APOBEC3C: variants seen among roughly 807,000 people sequenced by gnomAD.
APOBEC3C encodes the protein apolipoprotein B mRNA editing enzyme catalytic subunit 3C.
APOBEC3C carries 14 observed loss-of-function variants against 20.6 expected under a neutral mutation model. The observed-to-expected ratio is 0.68, with a 90% CI of 0.45 to 1.06. APOBEC3C has a LOEUF of 1.06. Among genes scored for constraint, APOBEC3C ranks in the 50% least tolerant of loss-of-function variants. The probability of loss-of-function intolerance (pLI) is 0.00; values close to 1 mark genes in which losing one functional copy is unlikely to be tolerated. For missense variants in APOBEC3C, 244 were observed against 241.9 expected, an observed-to-expected ratio of 1.01 and a Z score of -0.06; for synonymous variants, 98 against 88.8, an observed-to-expected ratio of 1.10 and a Z score of -0.58.
rs1224824395 is a variant in APOBEC3C, at chr22:39,018,656, C to T, written c.*269C>T. On this transcript the variant is annotated 3_prime_UTR_variant, in exon 4 of 4. Transcript: ENST00000361441. ...CCTGCGTGCCCCTAACCTGGCTTTT[C>T]CCATCTCCCCAGCATAACCAAATCT... 3.1e-6 allele frequency: 1 copy of T among 317,696 alleles called. No homozygotes were observed. Among genetic ancestry groups the T allele is most frequent in the Non-Finnish European group, 5.9e-6 (1 of 169,906 alleles). The allele number at this position is 317,696 out of a possible 1,614,324, so 19.7% of individuals were successfully genotyped here. A position where few individuals can be genotyped will look rare whatever the true frequency, so the allele number is the denominator to read the frequency against.
chr22:39,018,597 T>C lies in APOBEC3C; in HGVS notation c.*210T>C, dbSNP rs970863030. 9.7e-6 allele frequency: 5 copies of C among 517,564 alleles called. No homozygotes were observed. Among genetic ancestry groups the C allele is most frequent in the African/African-American group, 7.7e-5 (4 of 51,622 alleles). 32.1% of individuals were successfully genotyped at this position (517,564 alleles called of 1,614,324 possible). Reference sequence around the variant, plus strand: ...AGAGGCTCCTTTCTGCCTCCATGGCTATCCATCCACCCCCACAGACCCCGT... The same window carrying C: ...AGAGGCTCCTTTCTGCCTCCATGGCCATCCATCCACCCCCACAGACCCCGT... On this transcript the variant is annotated 3_prime_UTR_variant, in exon 4 of 4. Transcript: ENST00000361441.
Position 39,017,990 on chromosome 22 carries a change from G to A in APOBEC3C, c.399G>A (p.Glu133=). The A allele has an allele frequency of 6.2e-7, 1 of 1,614,236 alleles. No homozygotes were observed. The highest frequency in any genetic ancestry group is 8.5e-7 in the Non-Finnish European group (1 of 1,180,044). Residue 133 remains glutamate (E), a synonymous_variant, in exon 3 of 4, where the codon GAG becomes GAA. Transcript: ENST00000361441. ...ACTTCCAGTATCCATGTTACCAGGAGGGGCTCCGCAGCCTGAGTCAGGAAG... is the reference window on the plus strand; with the variant it reads ...ACTTCCAGTATCCATGTTACCAGGAAGGGCTCCGCAGCCTGAGTCAGGAAG... ...LYYFQYPCYQ[E]GLRSLSQEGV... is the part of the protein sequence containing the mutation.
At chr22:39,018,165 C>G in intron 3 of APOBEC3C, 104 bp from the exon 4 acceptor site, 1 of 1,567,806 alleles carries the variant, frequency 6.4e-7, no homozygotes. Context: ...CGGGCCAGCG[C>G]CCACTGCAAC....
intron 1 of APOBEC3C, 96 bp downstream of exon 1, chr22:39,014,475 C>T (rs1208275891): frequency 3.4e-6 from 5 of 1,483,738 alleles, no homozygotes; most frequent in South Asian, 1.1e-5. Flanking sequence ...GCCCCAGCCC[C>T]ACCTCTGGGC....
chr22:39,018,094 G>A (rs558518013), intron 3 of APOBEC3C, 49 bp downstream of exon 3: 20 of 1,600,718 alleles, frequency 1.2e-5, no homozygotes, highest in Non-Finnish European at 1.5e-5. Flanking sequence ...GACAGCATGA[G>A]GGGCAGATGG....
intron 2 of APOBEC3C, 123 bp downstream of exon 2, chr22:39,015,874 A>AT (rs57093395): frequency 0.072 from 38,754 of 541,960 alleles, 725 homozygotes; most frequent in African/African-American, 0.17. Flanking sequence ...CCACATTTCT[A>AT]TTTTTTTTTT....
chr22:39,018,718 G>A lies in APOBEC3C; in HGVS notation c.*331G>A, dbSNP rs1024945441. Reference sequence around the variant, plus strand: ...TCCTAGGCTGGGCATGGTGACTCACGCCTGTAATCCCCCAGCAATTTGGGA... The same window carrying A: ...TCCTAGGCTGGGCATGGTGACTCACACCTGTAATCCCCCAGCAATTTGGGA... On this transcript the variant is annotated 3_prime_UTR_variant, in exon 4 of 4. Transcript: ENST00000361441. The A allele has an allele frequency of 4.6e-5, 8 of 173,162 alleles. No individual in the cohort carries two copies. The highest frequency in any genetic ancestry group is 1.6e-4 in the East Asian group (1 of 6,308). The allele number at this position is 173,162 out of a possible 1,614,324, so 10.7% of individuals were successfully genotyped here. A position where few individuals can be genotyped will look rare whatever the true frequency, so the allele number is the denominator to read the frequency against.
Position 39,014,382 on chromosome 22 carries a change from A to AT in APOBEC3C, c.17+3_17+4insT. On this transcript the variant is annotated splice_donor_region_variant and intron_variant, in intron 1 of 3. Transcript: ENST00000361441. ...CTGAACATGAATCCACAGATCAGGT[A>AT]CCTCTGCACGCTTTGTCCGCCAGGC... 4 of 1,614,000 alleles carry AT rather than the reference A, an allele frequency of 2.5e-6. No homozygotes were observed. The highest frequency in any genetic ancestry group is 2.5e-6 in the Non-Finnish European group (3 of 1,180,000).
chr22:39,014,673 C>G (rs1025120331), intron 1 of APOBEC3C, among the ~76,000 whole-genome samples: 2 of 152,234 alleles, frequency 1.3e-5, no homozygotes, highest in Non-Finnish European at 2.9e-5. Context: ...GGTGCTTCCT[C>G]TGTGTGCTTC....
intron 2 of APOBEC3C, among the ~76,000 whole-genome samples, chr22:39,016,115 T>G (rs1480204988): frequency 6.6e-6 from 1 of 151,958 alleles, no homozygotes; most frequent in East Asian, 1.9e-4. Context: ...TGACCTCAAG[T>G]GATCCACCAG....
intron 2 of APOBEC3C, 123 bp downstream of exon 2, chr22:39,015,874 ATTTT>A (rs57093395): frequency 3.7e-3 from 2,033 of 542,288 alleles, no homozygotes; most frequent in East Asian, 5.4e-3. Flanking sequence ...CCACATTTCT[ATTTT>A]TTTTTTTTTT....
intron 2 of APOBEC3C, among the ~76,000 whole-genome samples, chr22:39,017,231 T>C (rs114996082): frequency 0.054 from 8,206 of 151,444 alleles, 750 homozygotes; most frequent in African/African-American, 0.19. Context: ...GACTCCATCT[T>C]TGAAAAAAAT....
At chr22:39,014,520 C>T in intron 1 of APOBEC3C, 141 bp downstream of exon 1, 2 of 1,033,440 alleles carry the variant, frequency 1.9e-6, no homozygotes, top group Non-Finnish European at 1.4e-6. Flanking sequence ...GCCCCCACTC[C>T]CAGCCAAGCT....
At chr22:39,017,713 C>T in intron 2 of APOBEC3C, 53 bp from the exon 3 acceptor site, 1 of 1,584,542 alleles carries the variant, frequency 6.3e-7, no homozygotes, top group South Asian at 1.2e-5. Flanking sequence ...CACCCCTGCA[C>T]TCCTCCTGCT....
At chr22:39,015,816 A>G (rs1924760574) in intron 2 of APOBEC3C, 65 bp downstream of exon 2, 2 of 1,532,376 alleles carry the variant, frequency 1.3e-6, no homozygotes, top group Admixed American at 1.9e-5. Context: ...AGAAAACGCA[A>G]CAATAAGTGA....
Position 39,018,458 on chromosome 22 carries a change from C to G in APOBEC3C, c.*71C>G. 3 of 1,538,558 alleles carry G rather than the reference C, an allele frequency of 1.9e-6. No homozygotes were observed. Among genetic ancestry groups the G allele is most frequent in the Admixed American group, 1.9e-5 (1 of 53,792 alleles). ...CATGCTGCACGGGCCTCCCCTCCAC[C>G]CTGGACCCGCTCTGTTTCTGCCTGG... On this transcript the variant is annotated 3_prime_UTR_variant, in exon 4 of 4. Transcript: ENST00000361441.
At chr22:39,017,724 C>A in intron 2 of APOBEC3C, 42 bp from the exon 3 acceptor site, 1 of 1,594,286 alleles carries the variant, frequency 6.3e-7, no homozygotes, top group South Asian at 1.1e-5. Flanking sequence ...TCCTCCTGCT[C>A]CTGGTCTGAG....
chr22:39,015,899 G>A (rs1439910288), intron 2 of APOBEC3C, 148 bp downstream of exon 2: 13 of 719,642 alleles, frequency 1.8e-5, no homozygotes, highest in Non-Finnish European at 2.3e-5. Flanking sequence ...TTTTTGAGAT[G>A]GAGTCTCGCT....
chr22:39,017,849 C>G lies in APOBEC3C; in HGVS notation c.258C>G (p.Tyr86Ter), dbSNP rs1457876075. 2 of 1,614,146 alleles carry G rather than the reference C, an allele frequency of 1.2e-6. No homozygotes were observed. Among genetic ancestry groups the G allele is most frequent in the East Asian group, 4.5e-5 (2 of 44,882 alleles). The change falls in exon 3 of 4, where the codon TAC becomes TAG. Residue 86 changes from tyrosine (Y) to a stop codon, truncating the protein, a stop_gained. Transcript: ENST00000361441. LOFTEE classifies it high-confidence loss of function. ...ACATACTGTCTCCTAACACAAAGTA[C>G]CAGGTCACCTGGTACACATCTTGGA... ...CDDILSPNTK[Y>*]QVTWYTSWSP...
Sources: allele counts gnomAD v4.1 joint callset (sites outside exome capture counted in the v4.1 genomes callset), GRCh38; gene constraint gnomAD v4.1.1; transcripts MANE v1.5; gene names NCBI Gene and HGNC (gene_info 2026-07-23, HGNC 2026-07-21).